SNTG2: variants seen among roughly 807,000 people sequenced by gnomAD.
SNTG2 encodes syntrophin gamma 2.
A neutral mutation model predicts 70.9 loss-of-function variants in SNTG2; 74 were observed. The ratio of observed to expected loss-of-function variants is 1.04; its 90% confidence interval spans 0.86 to 1.27. The LOEUF (loss-of-function observed/expected upper bound fraction) is 1.27, where lower values mean the gene tolerates loss of function less well. SNTG2 is among the 50% of genes most tolerant of loss of function. The pLI is 0.00. For missense variants in SNTG2, 717 were observed against 690.7 expected (o/e 1.04, Z -0.43); for synonymous variants, 278 against 273.8 (o/e 1.02, Z -0.15).
intron 4 of SNTG2, among the ~76,000 whole-genome samples, chr2:1,121,013 C>T (rs992632140): frequency 5.9e-5 from 9 of 151,502 alleles, no homozygotes; most frequent in Admixed American, 5.3e-4. Flanking sequence ...GGCCATAAAA[C>T]AAGTCTTAAC....
chr2:1,232,039 G>A (rs1055147590), intron 9 of SNTG2, among the ~76,000 whole-genome samples: 17 of 152,104 alleles, frequency 1.1e-4, no homozygotes, highest in Admixed American at 2.6e-4. Context: ...CCTGGACATC[G>A]TGCTCCAGTG....
intron 7 of SNTG2, among the ~76,000 whole-genome samples, chr2:1,171,968 C>T (rs750644377): frequency 6.6e-6 from 1 of 152,080 alleles, no homozygotes; most frequent in Non-Finnish European, 1.5e-5. Flanking sequence ...TATGTGGTGC[C>T]GATTGTTCTT....
chr2:1,165,706 C>T, intron 7 of SNTG2, 71 bp downstream of exon 7: 1 of 1,273,522 alleles, frequency 7.9e-7, no homozygotes, highest in South Asian at 1.3e-5. Context: ...TATCCAAATG[C>T]TACCACATGG....
intron 4 of SNTG2, among the ~76,000 whole-genome samples, chr2:1,133,648 G>A (rs1018236800): frequency 4.1e-4 from 62 of 152,050 alleles, no homozygotes; most frequent in African/African-American, 3.1e-4. Flanking sequence ...TTAAAATTTC[G>A]AATTAAAATC....
intron 1 of SNTG2, among the ~76,000 whole-genome samples, chr2:958,165 C>G (rs915980129): frequency 1.3e-5 from 2 of 152,094 alleles, no homozygotes; most frequent in African/African-American, 4.8e-5. Flanking sequence ...GTGGCTGCAG[C>G]CCCTGGGCGT....
chr2:1,029,511 GA>G lies in SNTG2; in HGVS notation c.73-54004del, dbSNP rs146292050. ...ATAATTCCTTTTTGAAGGAAATTAAGAAATGGAATTTGGTCATTGTAGAAGT... is the reference window on the plus strand; with the variant it reads ...ATAATTCCTTTTTGAAGGAAATTAAGAATGGAATTTGGTCATTGTAGAAGT... On this transcript the variant is annotated intron_variant, in intron 1 of 16. Coordinates refer to ENST00000308624, the MANE Select transcript of SNTG2 (RefSeq NM_018968.4). 7.1e-3 allele frequency among the ~76,000 whole-genome samples: 1,081 copies of G among 152,330 alleles called. 23 individuals are homozygous for G. The highest frequency in any genetic ancestry group is 0.025 in the African/African-American group (1,023 of 41,566).
chr2:1,052,686 G>A (rs76229075), intron 1 of SNTG2, among the ~76,000 whole-genome samples: 7 of 152,122 alleles, frequency 4.6e-5, no homozygotes, highest in African/African-American at 1.4e-4. Context: ...TGGCCATGTC[G>A]TCCTTTATAG....
intron 8 of SNTG2, among the ~76,000 whole-genome samples, chr2:1,184,292 TG>T (rs974000696): frequency 6.6e-6 from 1 of 152,128 alleles, no homozygotes; most frequent in Non-Finnish European, 1.5e-5. Flanking sequence ...CAACCAAATA[TG>T]GGAACATCAA....
At chr2:1,136,383 G>A (rs944621549) in intron 4 of SNTG2, among the ~76,000 whole-genome samples, 2 of 151,330 alleles carry the variant, frequency 1.3e-5, no homozygotes, top group Admixed American at 6.6e-5. Context: ...ACAGGGAGAC[G>A]GCGCAGGGGA....
intron 1 of SNTG2, among the ~76,000 whole-genome samples, chr2:1,009,119 GTC>G (rs1405739668): frequency 2.6e-5 from 4 of 152,194 alleles, no homozygotes; most frequent in Non-Finnish European, 5.9e-5. Flanking sequence ...AGGCAGTCAC[GTC>G]TGGTCCTGGA....
intron 1 of SNTG2, among the ~76,000 whole-genome samples, chr2:1,037,110 G>A (rs1256054828): frequency 3.3e-5 from 5 of 152,224 alleles, no homozygotes; most frequent in Admixed American, 6.5e-5. Context: ...GCAGCTGCAC[G>A]CTGCCATTTC....
chr2:1,359,379 G>T (rs1208901085), intron 16 of SNTG2, among the ~76,000 whole-genome samples: 1 of 152,034 alleles, frequency 6.6e-6, no homozygotes, highest in East Asian at 1.9e-4. Flanking sequence ...TTCTGATGTT[G>T]GGTGCATATT....
At chr2:1,181,102 G>C (rs1324656524) in intron 8 of SNTG2, among the ~76,000 whole-genome samples, 2 of 152,116 alleles carry the variant, frequency 1.3e-5, no homozygotes, top group East Asian at 3.8e-4. Context: ...AGCATTAGGA[G>C]ATATACCTAA....
At chr2:1,103,130 G>A (rs1158098289) in intron 4 of SNTG2, among the ~76,000 whole-genome samples, 1 of 152,134 alleles carries the variant, frequency 6.6e-6, no homozygotes, top group Non-Finnish European at 1.5e-5. Flanking sequence ...AGGCTGGGAG[G>A]TCGAGATAGG....
chr2:1,349,856 G>A (rs985173765), intron 16 of SNTG2, among the ~76,000 whole-genome samples: 5 of 152,038 alleles, frequency 3.3e-5, no homozygotes, highest in Admixed American at 2.0e-4. Context: ...TCTTGCTTAG[G>A]GTAAAAGAAT....
intron 1 of SNTG2, among the ~76,000 whole-genome samples, chr2:1,080,644 G>T (rs1367527962): frequency 6.6e-6 from 1 of 151,192 alleles, no homozygotes; most frequent in Non-Finnish European, 1.5e-5. Context: ...GTGTGCCCGT[G>T]TTTGTGTCTG....
intron 14 of SNTG2, among the ~76,000 whole-genome samples, chr2:1,286,269 T>A (rs1236167751): frequency 6.6e-6 from 1 of 152,236 alleles, no homozygotes; most frequent in African/African-American, 2.4e-5. Context: ...CCTTGATTCT[T>A]GGACCCGTGA....
At chr2:1,262,410 G>T (rs1006959058) in intron 13 of SNTG2, among the ~76,000 whole-genome samples, 1 of 152,200 alleles carries the variant, frequency 6.6e-6, no homozygotes, top group East Asian at 1.9e-4. Flanking sequence ...TGAAGGGACA[G>T]CTCCCAGCTC....
chr2:1,222,095 GTCTCTCTCTGTCTCTCTCTGTC>G (rs1391115938), intron 9 of SNTG2, among the ~76,000 whole-genome samples: 608 of 6,962 alleles, frequency 0.087, 146 homozygotes, highest in Non-Finnish European at 0.11. Flanking sequence ...GTCTCTCTCT[GTCTCTCTCTGTCTCTCTCTGTC>G]TCTCTCTGTC....
Sources: allele counts gnomAD v4.1 joint callset (sites outside exome capture counted in the v4.1 genomes callset), GRCh38; gene constraint gnomAD v4.1.1; transcripts MANE v1.5; gene names NCBI Gene and HGNC (gene_info 2026-07-23, HGNC 2026-07-21).